SSU72L3: variants seen among roughly 807,000 people sequenced by gnomAD.
The protein encoded by SSU72L3 is SSU72 like 3, also known as RNA polymerase II subunit A C-terminal domain phosphatase SSU72 like protein 3.
At chr11:4,330,351 C>T in the SSU72L3 span, 4 of 760,894 alleles carry the variant, frequency 5.3e-6, no homozygotes, top group South Asian at 2.7e-5. Flanking sequence ...CCAGTGCCTG[C>T]AGCAGTCAGA....
the SSU72L3 span, chr11:4,330,462 G>T: frequency 1.6e-6 from 1 of 615,584 alleles, no homozygotes; most frequent in South Asian, 2.0e-5. Flanking sequence ...ATCTGGGCTG[G>T]CTTTGTCCCC....
chr11:4,329,918 G>T, the SSU72L3 span: 2 of 732,676 alleles, frequency 2.7e-6, no homozygotes, highest in South Asian at 3.1e-5. Context: ...ATGTCAACAG[G>T]AGCATGGAGG....
At chr11:4,330,462 G>A in the SSU72L3 span, 1 of 615,582 alleles carries the variant, frequency 1.6e-6, no homozygotes, top group East Asian at 2.7e-5. Context: ...ATCTGGGCTG[G>A]CTTTGTCCCC....
At chr11:4,330,268 A>T in the SSU72L3 span, 11 of 755,350 alleles carry the variant, frequency 1.5e-5, no homozygotes, top group East Asian at 2.7e-4. Context: ...CAGCCTGTGC[A>T]CGTGATCAAC....
chr11:4,330,768 A>T, the SSU72L3 span, among the ~76,000 whole-genome samples: 1 of 152,192 alleles, frequency 6.6e-6, no homozygotes. Flanking sequence ...AACCGAGCTG[A>T]TAATGGACTG....
the SSU72L3 span, chr11:4,330,398 A>G: frequency 1.3e-6 from 1 of 750,748 alleles, no homozygotes; most frequent in South Asian, 1.4e-5. Flanking sequence ...TGCTGTTGCA[A>G]ATGGAGGAGA....
chr11:4,330,480 G>A, the SSU72L3 span: 1 of 608,726 alleles, frequency 1.6e-6, no homozygotes, highest in Non-Finnish European at 2.9e-6. Context: ...CCCTTCCTCA[G>A]TAAGAACTTA....
At chr11:4,330,326 C>A in the SSU72L3 span, 1 of 760,616 alleles carries the variant, frequency 1.3e-6, no homozygotes, top group Non-Finnish European at 2.4e-6. Context: ...GAGCTTTCCT[C>A]ATCTGTGAGA....
chr11:4,330,383 G>A, the SSU72L3 span: 77 of 757,598 alleles, frequency 1.0e-4, no homozygotes, highest in African/African-American at 4.1e-4. Flanking sequence ...ACAATCTGGA[G>A]GAGCTGCTGT....
At chr11:4,330,036 G>T in the SSU72L3 span, 14 of 776,288 alleles carry the variant, frequency 1.8e-5, no homozygotes, top group Non-Finnish European at 3.1e-5. Context: ...TTATGATTTT[G>T]CAACAACATA....
chr11:4,329,814 C>G, the SSU72L3 span: 1 of 624,098 alleles, frequency 1.6e-6, no homozygotes, highest in Non-Finnish European at 2.9e-6. Flanking sequence ...GCTCCGAGTC[C>G]CTGCAGCAAC....
At chr11:4,329,831 G>T in the SSU72L3 span, 8 of 654,618 alleles carry the variant, frequency 1.2e-5, no homozygotes, top group Non-Finnish European at 5.5e-6. Flanking sequence ...CAACTGAGGT[G>T]CCTGTGTCTC....
At chr11:4,329,883 A>G in the SSU72L3 span, 2 of 724,400 alleles carry the variant, frequency 2.8e-6, no homozygotes, top group Admixed American at 3.8e-5. Flanking sequence ...CTCCCCACTC[A>G]GGGTGGCTGT....
chr11:4,330,378 C>T, the SSU72L3 span: 48 of 759,500 alleles, frequency 6.3e-5, 3 homozygotes, highest in South Asian at 6.3e-4. Context: ...AGAAGACAAT[C>T]TGGAGGAGCT....
the SSU72L3 span, chr11:4,329,966 G>C: frequency 2.7e-6 from 2 of 750,732 alleles, no homozygotes; most frequent in Non-Finnish European, 4.9e-6. Flanking sequence ...TAAGTGTCCG[G>C]TCTTTTGGAA....
At chr11:4,329,848 T>A in the SSU72L3 span, 4 of 684,132 alleles carry the variant, frequency 5.8e-6, no homozygotes, top group Non-Finnish European at 8.0e-6. Flanking sequence ...TCTCTCTGGT[T>A]CCCAGTGGCC....
the SSU72L3 span, chr11:4,330,314 G>T: frequency 1.3e-6 from 1 of 761,228 alleles, no homozygotes; most frequent in South Asian, 1.4e-5. Flanking sequence ...ATGCCACCCT[G>T]GGAGCTTTCC....
the SSU72L3 span, chr11:4,329,891 T>C: frequency 1.4e-5 from 10 of 727,766 alleles, no homozygotes; most frequent in Non-Finnish European, 2.5e-5. Context: ...TCAGGGTGGC[T>C]GTGGTGTGCG....
the SSU72L3 span, chr11:4,329,797 C>T: frequency 6.7e-6 from 4 of 599,482 alleles, no homozygotes; most frequent in African/African-American, 5.6e-5. Context: ...AGGTGGTCGT[C>T]TCCTCGGCTC....
Sources: gnomAD v4.1 joint callset for allele counts (sites outside exome capture counted in the v4.1 genomes callset) on GRCh38, gnomAD v4.1.1 for gene constraint, MANE v1.5 for transcripts, NCBI Gene and HGNC (gene_info 2026-07-23, HGNC 2026-07-21) for gene names.